CACNA2D3: variants seen among roughly 807,000 people sequenced by gnomAD.
CACNA2D3 encodes the protein voltage-dependent calcium channel subunit alpha-2/delta-3.
In CACNA2D3, 60 loss-of-function variants were observed where a neutral mutation model predicts 160.6. The observed-to-expected ratio is 0.37, with a 90% CI of 0.30 to 0.46. The LOEUF is 0.46. Among genes scored for constraint, CACNA2D3 ranks in the 20% least tolerant of loss-of-function variants. CACNA2D3 has a pLI of 1.00. For synonymous variants in CACNA2D3, 558 were observed against 492.9 expected, an observed-to-expected ratio of 1.13 and a Z score of -1.75; for missense variants, 1,205 against 1,365.0, an observed-to-expected ratio of 0.88 and a Z score of 1.85.
At chr3:54,187,183 C>G (rs1700893337) in intron 2 of CACNA2D3, among the ~76,000 whole-genome samples, 1 of 152,206 alleles carries the variant, frequency 6.6e-6, no homozygotes, top group Non-Finnish European at 1.5e-5. Flanking sequence ...GGAAGAGTCA[C>G]TTGACATCTT....
rs150247719 is a variant in CACNA2D3 at position 54,748,584 on chromosome 3, A to T, written c.1168-4015A>T. On this transcript the variant is annotated intron_variant, in intron 11 of 37. Coordinates refer to ENST00000474759, the MANE Select transcript of CACNA2D3 (RefSeq NM_018398.3). ...GCTGATGCAGACTTTTTTTTTTTTC[A>T]CCCCTGCCTTTGAGCTGCATTAATG... Among the ~76,000 whole-genome samples the T allele has an allele frequency of 2.7e-5, 4 of 150,212 alleles. No homozygotes were observed. The East Asian group carries it at 5.9e-4, about 22-fold the overall frequency.
intron 10 of CACNA2D3, chr3:54,632,586 A>AG: frequency 6.6e-6 from 1 of 152,330 alleles, no homozygotes; most frequent in South Asian, 2.1e-4. Flanking sequence ...TTGGAAGGAC[A>AG]ATGTCCAGAT....
chr3:54,332,099 C>T (rs1030426203), intron 3 of CACNA2D3, among the ~76,000 whole-genome samples: 21 of 152,164 alleles, frequency 1.4e-4, no homozygotes, highest in African/African-American at 4.8e-4. Flanking sequence ...CATTAAACTT[C>T]GTTCTAGAAA....
At chr3:55,034,087 C>G (rs895383264) in intron 35 of CACNA2D3, among the ~76,000 whole-genome samples, 1 of 150,984 alleles carries the variant, frequency 6.6e-6, no homozygotes, top group African/African-American at 2.4e-5. Flanking sequence ...ATTGATGAGT[C>G]AAAGGGTATA....
chr3:54,649,575 C>T (rs1394345001), intron 11 of CACNA2D3, among the ~76,000 whole-genome samples: 1 of 152,218 alleles, frequency 6.6e-6, no homozygotes, highest in Admixed American at 6.5e-5. Flanking sequence ...TGGTACAGTT[C>T]TTTTTGAGGC....
intron 4 of CACNA2D3, among the ~76,000 whole-genome samples, chr3:54,484,375 T>C (rs76538281): frequency 0.02 from 3,105 of 152,346 alleles, 84 homozygotes; most frequent in East Asian, 0.11. Flanking sequence ...GTAAGTTTAC[T>C]TGTTGAGTTA....
At chr3:54,265,718 G>A (rs67977262) in intron 2 of CACNA2D3, among the ~76,000 whole-genome samples, 105,203 of 146,714 alleles carry the variant, frequency 0.72, 38,057 homozygotes, top group African/African-American at 0.84. Context: ...GTTTATATAC[G>A]CACACACACA....
chr3:54,800,032 A>G (rs1170830229), intron 13 of CACNA2D3, among the ~76,000 whole-genome samples: 2 of 152,162 alleles, frequency 1.3e-5, no homozygotes, highest in African/African-American at 4.8e-5. Context: ...TTTTTTGCAA[A>G]TTAAGTTTTA....
chr3:54,954,619 G>A (rs1701836062), intron 27 of CACNA2D3, among the ~76,000 whole-genome samples: 1 of 152,196 alleles, frequency 6.6e-6, no homozygotes. Context: ...GAGGTAGGGT[G>A]TGGAGAAGAC....
intron 17 of CACNA2D3, among the ~76,000 whole-genome samples, chr3:54,867,288 G>A (rs189576564): frequency 9.2e-5 from 14 of 152,184 alleles, no homozygotes; most frequent in Admixed American, 2.0e-4. Flanking sequence ...GGTGAGGGGC[G>A]AGGGGGAGTA....
intron 4 of CACNA2D3, among the ~76,000 whole-genome samples, chr3:54,451,983 T>C (rs1700315519): frequency 6.6e-6 from 1 of 152,184 alleles, no homozygotes; most frequent in African/African-American, 2.4e-5. Flanking sequence ...CTAACAACTT[T>C]CCTCCAGTGT....
chr3:54,139,165 T>C (rs1320900836), intron 2 of CACNA2D3, among the ~76,000 whole-genome samples: 2 of 152,234 alleles, frequency 1.3e-5, no homozygotes, highest in Non-Finnish European at 2.9e-5. Flanking sequence ...AGATCCAACC[T>C]CATTTCCTGG....
intron 27 of CACNA2D3, among the ~76,000 whole-genome samples, chr3:54,907,085 C>A (rs561430501): frequency 6.6e-6 from 1 of 152,176 alleles, no homozygotes; most frequent in Non-Finnish European, 1.5e-5. Context: ...AAAGCCCCAA[C>A]GCGCCCTCCA....
At chr3:54,288,900 G>A (rs1177491515) in intron 2 of CACNA2D3, among the ~76,000 whole-genome samples, 2 of 152,106 alleles carry the variant, frequency 1.3e-5, no homozygotes, top group Non-Finnish European at 2.9e-5. Flanking sequence ...CAAGAAATTA[G>A]GTATTGATGG....
Position 54,928,040 on chromosome 3 carries a change from T to G in CACNA2D3, c.2449+28172T>G. The G allele has an allele frequency of 4.9e-6, 4 of 818,638 alleles. No homozygotes were observed. In the East Asian group the frequency reaches 9.9e-5, roughly 20 times the overall value. 50.7% of individuals were successfully genotyped at this position (818,638 alleles called of 1,614,324 possible). ...CAGTCTTTCTGAACCCTGCCCTTGC[T>G]TTTCTTCAATGCAGAAAACAGTTGT... On this transcript the variant is annotated intron_variant, in intron 27 of 37. Coordinates refer to ENST00000474759, the MANE Select transcript of CACNA2D3 (RefSeq NM_018398.3).
At chr3:54,362,423 C>T (rs1290176953) in intron 3 of CACNA2D3, among the ~76,000 whole-genome samples, 1 of 152,168 alleles carries the variant, frequency 6.6e-6, no homozygotes, top group African/African-American at 2.4e-5. Context: ...ATCAATGGCT[C>T]CCATTTCTGC....
chr3:54,245,465 G>A (rs951311079), intron 2 of CACNA2D3, among the ~76,000 whole-genome samples: 1 of 152,094 alleles, frequency 6.6e-6, no homozygotes, highest in Admixed American at 6.5e-5. Flanking sequence ...CATGTTCAAG[G>A]GTTGAGGCTT....
intron 4 of CACNA2D3, among the ~76,000 whole-genome samples, chr3:54,437,768 A>G (rs1160860582): frequency 1.3e-5 from 2 of 152,342 alleles, no homozygotes; most frequent in Admixed American, 6.5e-5. Context: ...ATGGATGAAC[A>G]TGAACTCTTG....
At chr3:54,881,245 T>C (rs1699789411) in intron 21 of CACNA2D3, among the ~76,000 whole-genome samples, 1 of 152,158 alleles carries the variant, frequency 6.6e-6, no homozygotes, top group Non-Finnish European at 1.5e-5. Context: ...AATACAAATT[T>C]ATGAAATAAC....
Sources: allele counts gnomAD v4.1 joint callset (sites outside exome capture counted in the v4.1 genomes callset), GRCh38; gene constraint gnomAD v4.1.1; transcripts MANE v1.5; gene names NCBI Gene and HGNC (gene_info 2026-07-23, HGNC 2026-07-21).